Variants in KDM7A observed in about 807,000 individuals in gnomAD.
KDM7A encodes the protein lysine demethylase 7A, also known as lysine-specific demethylase 7A.
In KDM7A, 28 loss-of-function variants were observed where a neutral mutation model predicts 114.8. The observed-to-expected ratio is 0.24, with a 90% confidence interval of 0.18 to 0.33. KDM7A has a LOEUF of 0.33. Ranked by LOEUF, KDM7A falls within the 10% of genes least tolerant of loss-of-function variation. The pLI is 1.00. For synonymous variants in KDM7A, 423 were observed against 397.8 expected (o/e 1.06, Z -0.75); for missense variants, 942 against 1,142.5 (o/e 0.82, Z 2.53).
intron 1 of KDM7A, among the ~76,000 whole-genome samples, chr7:140,148,898 C>T (rs1794370089): frequency 6.6e-6 from 1 of 152,156 alleles, no homozygotes; most frequent in Non-Finnish European, 1.5e-5. Context: ...ATAATTGACA[C>T]ATTAAAGCTG....
chr7:140,168,594 A>G (rs1439016641), intron 1 of KDM7A, among the ~76,000 whole-genome samples: 1 of 151,732 alleles, frequency 6.6e-6, no homozygotes, highest in Non-Finnish European at 1.5e-5. Context: ...TGGATGTAGG[A>G]GGCATCAAAA....
Position 140,176,758 on chromosome 7 carries a change from G to T in KDM7A, c.180C>A (p.Asp60Glu). 7.2e-7 allele frequency: 1 copy of T among 1,397,366 alleles called. No homozygotes were observed. Among genetic ancestry groups the T allele is most frequent in the Non-Finnish European group, 9.5e-7 (1 of 1,051,232 alleles). The allele number at this position is 1,397,366 out of a possible 1,614,324, so 86.6% of individuals were successfully genotyped here. The change falls in exon 1 of 20, where the codon GAC becomes GAA. Residue 60 changes from aspartate to glutamate, a missense_variant. Around this residue, in one of 4 missense-constraint regions of KDM7A, gnomAD observed 112 missense variants for 96.2 expected, o/e 1.16. Coordinates refer to ENST00000397560, the MANE Select transcript of KDM7A (RefSeq NM_030647.2). This position sits in a 1 kb window ranked among gnomAD's most constrained non-coding sequence, Gnocchi z 4.4. ...GGTTTATTTACCTGCCGTGGAACCA[G>T]TCCTTGCAGATATCGCACTCGATCA... Reference protein sequence around the residue: ...RFMIECDICKDWFHGSCVGVE... With the variant: ...RFMIECDICKEWFHGSCVGVE...
intron 1 of KDM7A, among the ~76,000 whole-genome samples, chr7:140,140,078 T>C (rs1269294660): frequency 6.6e-6 from 1 of 152,120 alleles, no homozygotes; most frequent in Non-Finnish European, 1.5e-5. Context: ...AAATCTAATA[T>C]TATATCAAAT....
chr7:140,158,546 A>G (rs1053328918), intron 1 of KDM7A, among the ~76,000 whole-genome samples: 3 of 152,226 alleles, frequency 2.0e-5, no homozygotes, highest in African/African-American at 7.2e-5. Flanking sequence ...TTCATTCTGC[A>G]TACACTCAAG....
intron 6 of KDM7A, among the ~76,000 whole-genome samples, chr7:140,125,268 G>A (rs944159815): frequency 1.3e-5 from 2 of 152,294 alleles, no homozygotes; most frequent in Admixed American, 1.3e-4. Context: ...ATATAGCCCA[G>A]AACATTGCTG....
chr7:140,092,286 T>C (rs1562943426), intron 18 of KDM7A: 9 of 594,232 alleles, frequency 1.5e-5, no homozygotes, highest in Non-Finnish European at 2.1e-5. Context: ...ATCGTTAAGT[T>C]AAGAAGGCGA....
rs1373896820 is a variant in KDM7A at position 140,086,083 on chromosome 7, C to A, written c.*5011G>T. ...TGAAACTGGTTGGAGACAAGTTTTA[C>A]CTTTATAATTAAGCTCCATTTATGA... On this transcript the variant is annotated 3_prime_UTR_variant, in exon 20 of 20. Coordinates refer to ENST00000397560, the MANE Select transcript of KDM7A (RefSeq NM_030647.2). 3.9e-5 allele frequency: 6 copies of A among 152,118 alleles called. No individual in the cohort carries two copies. The highest frequency in any genetic ancestry group is 8.8e-5 in the Non-Finnish European group (6 of 68,022). The allele number at this position is 152,118 out of a possible 1,614,324, so 9.4% of individuals were successfully genotyped here.
In KDM7A at chr7:140,139,119, T is replaced by C. The variant is rs768419186; in HGVS notation, c.266A>G (p.His89Arg). 4 of 1,610,788 alleles carry C rather than the reference T, an allele frequency of 2.5e-6. No homozygotes were observed. Among genetic ancestry groups the C allele is most frequent in the South Asian group, 2.2e-5 (2 of 90,970 alleles). ...LYHCPNCAVL[H>R]GSSLMKKRRN... Reference sequence around the variant, plus strand: ...CTAGTACTTACTCAAGGAGGAACCATGTAAAACTGCACAGTTGGGACAGTG... The same window carrying C: ...CTAGTACTTACTCAAGGAGGAACCACGTAAAACTGCACAGTTGGGACAGTG... Residue 89 changes from histidine (H) to arginine (R), a missense_variant, in exon 2 of 20, where the codon CAT becomes CGT. Transcript: ENST00000397560.
At chr7:140,155,889 A>G (rs1306177792) in intron 1 of KDM7A, among the ~76,000 whole-genome samples, 1 of 152,226 alleles carries the variant, frequency 6.6e-6, no homozygotes, top group African/African-American at 2.4e-5. Context: ...CTCCTGAGTA[A>G]CTTTTCTGAG....
intron 3 of KDM7A, among the ~76,000 whole-genome samples, chr7:140,131,693 A>G (rs1818789073): frequency 6.6e-6 from 1 of 152,226 alleles, no homozygotes; most frequent in African/African-American, 2.4e-5. Flanking sequence ...TAATTCCTTC[A>G]ACTTCAGTCT....
chr7:140,119,075 GCAT>G, intron 9 of KDM7A, 35 bp downstream of exon 9: 1 of 1,182,110 alleles, frequency 8.5e-7, no homozygotes, highest in Non-Finnish European at 1.3e-6. Flanking sequence ...CAAACAATAT[GCAT>G]CATATCATAT....
intron 4 of KDM7A, 54 bp downstream of exon 4, chr7:140,129,439 T>A: frequency 7.2e-7 from 1 of 1,392,770 alleles, no homozygotes; most frequent in South Asian, 1.2e-5. Flanking sequence ...ACCAGGACTA[T>A]CATTTTTACT....
intron 18 of KDM7A, among the ~76,000 whole-genome samples, chr7:140,093,668 G>A (rs1818059467): frequency 6.6e-6 from 1 of 152,178 alleles, no homozygotes; most frequent in African/African-American, 2.4e-5. Flanking sequence ...AAGACAATCT[G>A]TAACTTTCAT....
chr7:140,134,368 C>G (rs1818835911), intron 2 of KDM7A, among the ~76,000 whole-genome samples: 1 of 152,118 alleles, frequency 6.6e-6, no homozygotes, highest in African/African-American at 2.4e-5. Context: ...CCTATGGATC[C>G]AGATTCCTCA....
At position 140,168,767 on chromosome 7, in the gene KDM7A, T is replaced by C. The variant is rs149985621; in HGVS notation, c.194+7977A>G. Reference sequence around the variant, plus strand: ...ATATACACAAATACTGTAATCTAGCTAGCAAATTTGTTTCTCACAAAAATA... The same window carrying C: ...ATATACACAAATACTGTAATCTAGCCAGCAAATTTGTTTCTCACAAAAATA... On this transcript the variant is annotated intron_variant, in intron 1 of 19. Coordinates refer to ENST00000397560, the MANE Select transcript of KDM7A (RefSeq NM_030647.2). Among the ~76,000 whole-genome samples, 944 of 152,302 alleles carry C rather than the reference T, an allele frequency of 6.2e-3. 5 individuals are homozygous for C. Among genetic ancestry groups the C allele is most frequent in the African/African-American group, 0.022 (897 of 41,550 alleles).
chr7:140,137,801 T>C (rs1818895131), intron 2 of KDM7A, among the ~76,000 whole-genome samples: 1 of 152,192 alleles, frequency 6.6e-6, no homozygotes, highest in South Asian at 2.1e-4. Context: ...GAGCAGTCAG[T>C]TGCCAGTAAG....
At chr7:140,124,586 A>C in intron 7 of KDM7A, 35 bp downstream of exon 7, 2 of 1,545,036 alleles carry the variant, frequency 1.3e-6, no homozygotes, top group Non-Finnish European at 1.8e-6. Flanking sequence ...GTGACTATCA[A>C]TCATGTTGAG....
intron 1 of KDM7A, among the ~76,000 whole-genome samples, chr7:140,141,634 C>G (rs1370840021): frequency 6.6e-6 from 1 of 152,000 alleles, no homozygotes; most frequent in African/African-American, 2.4e-5. Flanking sequence ...TGGCTTACAT[C>G]TGTAATCCCA....
intron 19 of KDM7A, among the ~76,000 whole-genome samples, chr7:140,091,455 A>C (rs1192848509): frequency 6.6e-6 from 1 of 152,144 alleles, no homozygotes; most frequent in Non-Finnish European, 1.5e-5. Flanking sequence ...ATGCTTAGGC[A>C]ACAAAACTGA....
Sources: gnomAD v4.1 joint callset for allele counts (sites outside exome capture counted in the v4.1 genomes callset) on GRCh38, gnomAD v4.1.1 for gene constraint, gnomAD v4.1.1 regional missense constraint, Gnocchi (gnomAD v3.1) non-coding constraint, MANE v1.5 for transcripts, NCBI Gene and HGNC (gene_info 2026-07-23, HGNC 2026-07-21) for gene names.